The following EDA variants were observed in gnomAD, a reference collection of about 807,000 sequenced individuals.
EDA encodes ectodysplasin-A.
A neutral mutation model predicts 23.6 loss-of-function variants in EDA; 2 were observed. The ratio of observed to expected loss-of-function variants is 0.08; its 90% CI spans 0.03 to 0.27. The LOEUF (loss-of-function observed/expected upper bound fraction) is 0.27, where lower values mean the gene tolerates loss of function less well. Among genes scored for constraint, EDA ranks in the 10% least tolerant of loss-of-function variants. EDA has a pLI of 1.00. For synonymous variants in EDA, 131 were observed against 132.0 expected (o/e 0.99, Z 0.05); for missense variants, 229 against 324.2 (o/e 0.71, Z 2.26).
At chrX:69,916,783 A>AAT (rs1795080926) in intron 1 of EDA, among the ~76,000 whole-genome samples, 1 of 110,612 alleles carries the variant, frequency 9.0e-6, no homozygotes, top group Non-Finnish European at 1.9e-5. Context: ...TGCCTGGTAT[A>AAT]ATAATACTCT....
intron 1 of EDA, among the ~76,000 whole-genome samples, chrX:69,703,226 C>T (rs2011585890): frequency 1.8e-5 from 2 of 111,551 alleles, no homozygotes; most frequent in African/African-American, 3.3e-5. Flanking sequence ...ATTTTCGGAC[C>T]GGAGAAACCA....
chrX:69,734,823 G>T (rs943257411), intron 1 of EDA, among the ~76,000 whole-genome samples: 1 of 111,426 alleles, frequency 9.0e-6, no homozygotes, highest in Non-Finnish European at 1.9e-5. Flanking sequence ...AAAAAACTTT[G>T]TCACACCCAT....
At chrX:69,650,467 A>C in intron 1 of EDA, among the ~76,000 whole-genome samples, 1 of 111,660 alleles carries the variant, frequency 9.0e-6, no homozygotes, top group Middle Eastern at 4.7e-3. Flanking sequence ...AATGGATACC[A>C]ACATATAGTT....
At chrX:70,035,207 T>C in intron 7 of EDA, 151 bp from the exon 8 acceptor site, 1 of 638,592 alleles carries the variant, frequency 1.6e-6, no homozygotes, top group Non-Finnish European at 2.4e-6. Context: ...CCTTTCCTGT[T>C]GGCCAGCTAG....
chrX:69,951,011 C>T (rs2018915795), intron 1 of EDA, among the ~76,000 whole-genome samples: 1 of 104,135 alleles, frequency 9.6e-6, no homozygotes, highest in South Asian at 4.7e-4. Context: ...TTAGTGGGTG[C>T]AGCACACCAA....
At chrX:69,682,527 G>A (rs1036300079) in intron 1 of EDA, among the ~76,000 whole-genome samples, 8 of 112,291 alleles carry the variant, frequency 7.1e-5, no homozygotes, top group South Asian at 7.4e-4. Flanking sequence ...CTCCTCGTGC[G>A]CCGTTTTTTA....
At chrX:69,795,267 C>G (rs2015514139) in intron 1 of EDA, among the ~76,000 whole-genome samples, 1 of 111,883 alleles carries the variant, frequency 8.9e-6, no homozygotes, top group South Asian at 3.8e-4. Context: ...CTCAACTGAT[C>G]CTCCTGCCTC....
At chrX:69,940,584 T>G (rs934545359) in intron 1 of EDA, among the ~76,000 whole-genome samples, 29 of 111,117 alleles carry the variant, frequency 2.6e-4, no homozygotes, top group African/African-American at 8.1e-4. Flanking sequence ...TCTACTCTAA[T>G]CATTATTATT....
intron 1 of EDA, among the ~76,000 whole-genome samples, chrX:69,865,596 T>C (rs1414286672): frequency 8.9e-6 from 1 of 111,810 alleles, no homozygotes; most frequent in Non-Finnish European, 1.9e-5. Flanking sequence ...GACTCAATTG[T>C]TAATCTCTTT....
intron 1 of EDA, among the ~76,000 whole-genome samples, chrX:69,620,057 A>G (rs1160923788): frequency 9.0e-6 from 1 of 111,678 alleles, no homozygotes; most frequent in Non-Finnish European, 1.9e-5. Context: ...TTCAGTCTGG[A>G]TAGAAAGAGG....
chrX:69,860,931 A>G (rs2017370809), intron 1 of EDA: 3 of 520,501 alleles, frequency 5.8e-6, no homozygotes, highest in Admixed American at 5.3e-5. Flanking sequence ...AAAGCACACG[A>G]GTCGTCTCAG....
At chrX:69,769,799 T>C (rs745762031) in intron 1 of EDA, among the ~76,000 whole-genome samples, 1 of 111,208 alleles carries the variant, frequency 9.0e-6, no homozygotes, top group South Asian at 3.8e-4. Context: ...CTGATGTCAT[T>C]TTATTTTTTC....
At chrX:69,970,832 A>G (rs1387500424) in intron 2 of EDA, among the ~76,000 whole-genome samples, 1 of 111,866 alleles carries the variant, frequency 8.9e-6, no homozygotes, top group East Asian at 2.8e-4. Flanking sequence ...AACTCCTTAT[A>G]TGGAGCCAAG....
chrX:69,969,528 A>T (rs2019219733), intron 2 of EDA, among the ~76,000 whole-genome samples: 2 of 112,000 alleles, frequency 1.8e-5, no homozygotes, highest in South Asian at 7.4e-4. Context: ...ACACAAAAAA[A>T]CTTTTTTCAT....
chrX:69,653,904 T>A lies in EDA; in HGVS notation c.396+37200T>A, dbSNP rs190462291. Reference sequence around the variant, plus strand: ...CATAGGCATGGGCAAGGACTTCATGTCTAAAACACCTGAAGCAATGGCAAC... The same window carrying A: ...CATAGGCATGGGCAAGGACTTCATGACTAAAACACCTGAAGCAATGGCAAC... On this transcript the variant is annotated intron_variant, in intron 1 of 7. Transcript: ENST00000374552. Among the ~76,000 whole-genome samples the A allele has an allele frequency of 4.8e-3, 536 of 111,460 alleles. 3 individuals are homozygous for A. The highest frequency in any genetic ancestry group is 7.4e-3 in the Non-Finnish European group (391 of 53,069).
intron 2 of EDA, among the ~76,000 whole-genome samples, chrX:69,967,520 A>T (rs2019191689): frequency 8.9e-6 from 1 of 111,918 alleles, no homozygotes; most frequent in South Asian, 3.8e-4. Flanking sequence ...TCTGAAGCTC[A>T]AGAGAGATAG....
At chrX:69,776,827 TAGTC>T (rs1487061712) in intron 1 of EDA, among the ~76,000 whole-genome samples, 3 of 111,614 alleles carry the variant, frequency 2.7e-5, no homozygotes, top group Admixed American at 9.6e-5. Flanking sequence ...GTATCTAACA[TAGTC>T]AGGTGTGTGT....
intron 2 of EDA, among the ~76,000 whole-genome samples, chrX:70,020,379 A>G (rs1319420453): frequency 1.8e-5 from 2 of 111,207 alleles, no homozygotes; most frequent in East Asian, 2.8e-4. Context: ...AACACAGTGA[A>G]ACCCCATCTC....
chrX:69,637,516 G>A (rs1366025293), intron 1 of EDA, among the ~76,000 whole-genome samples: 1 of 110,985 alleles, frequency 9.0e-6, no homozygotes, highest in Non-Finnish European at 1.9e-5. Context: ...TCTGCAGACT[G>A]AGGACAGAAC....
Sources: allele counts gnomAD v4.1 joint callset (sites outside exome capture counted in the v4.1 genomes callset), GRCh38; gene constraint gnomAD v4.1.1; transcripts MANE v1.5; gene names NCBI Gene and HGNC (gene_info 2026-07-23, HGNC 2026-07-21).